The following MMP16 variants were observed in gnomAD, a reference collection of about 807,000 sequenced individuals.
MMP16 encodes the protein matrix metalloproteinase-16.
Under a neutral mutation model 67.8 loss-of-function variants are expected in MMP16, and 12 were observed. The ratio of observed to expected loss-of-function variants is 0.18; its 90% CI spans 0.11 to 0.29. The LOEUF (loss-of-function observed/expected upper bound fraction) is 0.29, where lower values mean the gene tolerates loss of function less well. MMP16 is among the 10% of genes least tolerant of loss of function. The probability of loss-of-function intolerance (pLI) is 1.00; values close to 1 mark genes in which losing one functional copy is unlikely to be tolerated. For synonymous variants in MMP16, 249 were observed against 255.9 expected, an observed-to-expected ratio of 0.97 and a Z score of 0.26; for missense variants, 475 against 765.7, an observed-to-expected ratio of 0.62 and a Z score of 4.48.
At chr8:88,314,684 G>A (rs939758258) in intron 1 of MMP16, among the ~76,000 whole-genome samples, 4 of 152,174 alleles carry the variant, frequency 2.6e-5, no homozygotes, top group Non-Finnish European at 5.9e-5. Flanking sequence ...AAGGGAGCTG[G>A]CACTATTGCC....
intron 1 of MMP16, among the ~76,000 whole-genome samples, chr8:88,274,718 C>G (rs1385656759): frequency 6.6e-6 from 1 of 151,964 alleles, no homozygotes; most frequent in Admixed American, 6.6e-5. Flanking sequence ...TAGGCTTGTT[C>G]ATCTGTGTTC....
intron 2 of MMP16, among the ~76,000 whole-genome samples, chr8:88,190,678 T>C (rs548575114): frequency 6.6e-6 from 1 of 152,322 alleles, no homozygotes; most frequent in African/African-American, 2.4e-5. Flanking sequence ...AACAGGAATA[T>C]ATAACTATAT....
chr8:88,147,808 C>T (rs190484014), intron 4 of MMP16, among the ~76,000 whole-genome samples: 254 of 151,516 alleles, frequency 1.7e-3, no homozygotes, highest in African/African-American at 5.8e-3. Flanking sequence ...TGCATGCACG[C>T]CCCTAGTTTA....
At position 88,201,659 on chromosome 8, in the gene MMP16, A is replaced by G. The variant is rs146673774; in HGVS notation, c.133-4353T>C. On this transcript the variant is annotated intron_variant, in intron 1 of 9. Coordinates refer to ENST00000286614, the MANE Select transcript of MMP16 (RefSeq NM_005941.5). ...TATAATTAACTGACTTTCTCAGATG[A>G]AATTCAACTGAAAGAATGCATTTTA... 6.2e-3 allele frequency among the ~76,000 whole-genome samples: 940 copies of G among 152,286 alleles called. 7 individuals are homozygous for G. Among genetic ancestry groups the G allele is most frequent in the African/African-American group, 0.021 (892 of 41,576 alleles).
At chr8:88,157,809 T>C (rs1808537866) in intron 4 of MMP16, among the ~76,000 whole-genome samples, 1 of 152,120 alleles carries the variant, frequency 6.6e-6, no homozygotes, top group Non-Finnish European at 1.5e-5. Context: ...CTCATAGTGC[T>C]ATGCCTCCCC....
At chr8:88,268,211 G>A (rs1423973999) in intron 1 of MMP16, among the ~76,000 whole-genome samples, 10 of 152,190 alleles carry the variant, frequency 6.6e-5, no homozygotes, top group African/African-American at 1.4e-4. Context: ...GCGTGGTGGC[G>A]CATGCCTCTA....
chr8:88,125,107 T>A lies in MMP16; in HGVS notation c.710-6246A>T, dbSNP rs116602123. ...TGAACACAATTCAGTCCATAAAAAT[T>A]CCTCAGTCCAATTTGGCTGCTCAAA... is the stretch of plus-strand genomic sequence containing the variant. On this transcript the variant is annotated intron_variant, in intron 4 of 9. Coordinates refer to ENST00000286614, the MANE Select transcript of MMP16 (RefSeq NM_005941.5). Among the ~76,000 whole-genome samples, 564 of 151,854 alleles carry A rather than the reference T, an allele frequency of 3.7e-3. 5 individuals carry two copies. The highest frequency in any genetic ancestry group is 0.012 in the African/African-American group (493 of 41,466).
chr8:88,273,980 A>T (rs1810606159), intron 1 of MMP16, among the ~76,000 whole-genome samples: 1 of 152,146 alleles, frequency 6.6e-6, no homozygotes, highest in Non-Finnish European at 1.5e-5. Context: ...CACCATCATC[A>T]TCATCATCAT....
At chr8:88,168,946 A>G (rs1177431602) in intron 3 of MMP16, among the ~76,000 whole-genome samples, 1 of 152,070 alleles carries the variant, frequency 6.6e-6, no homozygotes, top group Non-Finnish European at 1.5e-5. Context: ...GCACTCAAGC[A>G]ATCCTCCCAC....
At chr8:88,085,379 C>T (rs1246391496) in intron 6 of MMP16, among the ~76,000 whole-genome samples, 1 of 151,960 alleles carries the variant, frequency 6.6e-6, no homozygotes, top group Non-Finnish European at 1.5e-5. Context: ...AAAACCTGTT[C>T]AAAGCAACCA....
chr8:88,274,515 A>G (rs1175750616), intron 1 of MMP16, among the ~76,000 whole-genome samples: 1 of 152,098 alleles, frequency 6.6e-6, no homozygotes, highest in Admixed American at 6.5e-5. Flanking sequence ...AGGTACTACA[A>G]TTAAATGTAT....
intron 1 of MMP16, among the ~76,000 whole-genome samples, chr8:88,304,057 A>C (rs1234483603): frequency 1.3e-5 from 2 of 152,186 alleles, no homozygotes; most frequent in Non-Finnish European, 2.9e-5. Context: ...TGATAAAAAC[A>C]ATACAGAAGC....
intron 4 of MMP16, among the ~76,000 whole-genome samples, chr8:88,158,676 TC>T (rs1808558253): frequency 7.2e-6 from 1 of 138,030 alleles, no homozygotes; most frequent in Admixed American, 7.3e-5. Context: ...TTAATTAGAT[TC>T]CATTTGTCAA....
chr8:88,228,183 T>C (rs1368721627), intron 1 of MMP16, among the ~76,000 whole-genome samples: 5 of 152,074 alleles, frequency 3.3e-5, no homozygotes, highest in African/African-American at 1.2e-4. Flanking sequence ...TGGTATAAAT[T>C]GGCAAACCAT....
intron 4 of MMP16, among the ~76,000 whole-genome samples, chr8:88,127,342 A>C (rs1330620782): frequency 6.6e-6 from 1 of 151,850 alleles, no homozygotes; most frequent in Non-Finnish European, 1.5e-5. Context: ...ATATGAAATG[A>C]TTGATGGCAA....
intron 2 of MMP16, among the ~76,000 whole-genome samples, chr8:88,188,695 C>G (rs569368248): frequency 1.3e-5 from 2 of 150,324 alleles, no homozygotes; most frequent in Non-Finnish European, 2.9e-5. Flanking sequence ...GATCTTGTCG[C>G]CCAGGCTGGA....
intron 1 of MMP16, among the ~76,000 whole-genome samples, chr8:88,218,512 T>C (rs1809628965): frequency 6.6e-6 from 1 of 152,078 alleles, no homozygotes; most frequent in African/African-American, 2.4e-5. Context: ...TTGCTAACTA[T>C]GCCAGGTGAT....
chr8:88,111,320 T>G (rs189132997), intron 6 of MMP16, among the ~76,000 whole-genome samples: 2 of 151,852 alleles, frequency 1.3e-5, no homozygotes, highest in East Asian at 3.9e-4. Flanking sequence ...TCTAGACCAA[T>G]GCAGACCTGT....
At chr8:88,042,242 A>G (rs1011037114) in intron 9 of MMP16, among the ~76,000 whole-genome samples, 1 of 152,230 alleles carries the variant, frequency 6.6e-6, no homozygotes, top group African/African-American at 2.4e-5. Flanking sequence ...ACATTGTTCA[A>G]TATATGATAA....
Sources: gnomAD v4.1 joint callset for allele counts (sites outside exome capture counted in the v4.1 genomes callset) on GRCh38, gnomAD v4.1.1 for gene constraint, MANE v1.5 for transcripts, NCBI Gene and HGNC (gene_info 2026-07-23, HGNC 2026-07-21) for gene names.